The following FBN3 variants were observed in gnomAD, a reference collection of about 807,000 sequenced individuals.
The protein encoded by FBN3 is fibrillin 3, also known as fibrillin-3.
A neutral mutation model predicts 330.1 loss-of-function variants in FBN3; 234 were observed. That is an observed-to-expected ratio of 0.71 (90% CI 0.64 to 0.79). The LOEUF (loss-of-function observed/expected upper bound fraction) is 0.79, where lower values mean the gene tolerates loss of function less well. Ranked by LOEUF, FBN3 falls within the 30% of genes least tolerant of loss-of-function variation. The pLI is 0.00. For synonymous variants in FBN3, 1,458 were observed against 1,517.3 expected (o/e 0.96, Z 0.91); for missense variants, 3,606 against 3,886.9 (o/e 0.93, Z 1.92).
chr19:8,117,536 T>C lies in FBN3; in HGVS notation c.3391A>G (p.Asn1131Asp). ...DGLCPHGQCV[N>D]VIGAFQCSCH... is the part of the protein sequence containing the mutation. ...GAGCACTGGAAGGCACCGATGACAT[T>C]GACACACTGGCCATGGGGACACAGG... The change falls in exon 27 of 64, where the codon AAT becomes GAT. Residue 1131 changes from asparagine (N) to aspartate (D), a missense_variant. Coordinates refer to ENST00000600128, the MANE Select transcript of FBN3 (RefSeq NM_032447.5). The C allele has an allele frequency of 6.4e-7, 1 of 1,558,078 alleles. No homozygotes were observed. Among genetic ancestry groups the C allele is most frequent in the Admixed American group, 1.9e-5 (1 of 52,006 alleles).
intron 18 of FBN3, among the ~76,000 whole-genome samples, chr19:8,128,287 G>A (rs1438937188): frequency 6.6e-6 from 1 of 152,218 alleles, no homozygotes; most frequent in Non-Finnish European, 1.5e-5. Flanking sequence ...GTATGGGCCA[G>A]GTGTAGTGGC....
chr19:8,103,519 T>A (rs764671609), intron 39 of FBN3, 43 bp downstream of exon 39: 1 of 1,599,622 alleles, frequency 6.3e-7, no homozygotes, highest in South Asian at 1.1e-5. Flanking sequence ...GCCCAGGTGC[T>A]GCTTCTGTGA....
At chr19:8,089,344 A>G (rs2082040536) in intron 51 of FBN3, among the ~76,000 whole-genome samples, 1 of 152,258 alleles carries the variant, frequency 6.6e-6, no homozygotes, top group South Asian at 2.1e-4. Context: ...TGAGTGAGTG[A>G]ATGAATGAGC....
chr19:8,121,478 G>A lies in FBN3; in HGVS notation c.3083-92C>T. ...GGTCCCTGTCCTTTGATGGAGGTGT[G>A]GGCTAGAGGAAGCCCATCTGCAGAC... On this transcript the variant is annotated intron_variant, in intron 24 of 63. Coordinates refer to ENST00000600128, the MANE Select transcript of FBN3 (RefSeq NM_032447.5). The surrounding 1 kb of genome is among the most constrained non-coding windows in gnomAD (Gnocchi z 4.5). The A allele has an allele frequency of 4.5e-6, 6 of 1,321,890 alleles. No individual in the cohort carries two copies. The highest frequency in any genetic ancestry group is 6.1e-6 in the Non-Finnish European group (6 of 986,830). The allele number at this position is 1,321,890 out of a possible 1,614,324, so 81.9% of individuals were successfully genotyped here. A position where few individuals can be genotyped will look rare whatever the true frequency, so the allele number is the denominator to read the frequency against.
intron 32 of FBN3, 79 bp from the exon 33 acceptor site, chr19:8,111,262 T>A (rs2082575777): frequency 1.3e-6 from 2 of 1,486,684 alleles, no homozygotes; most frequent in Non-Finnish European, 1.8e-6. Flanking sequence ...CCCCAGTCAC[T>A]GGAACACTTC....
intron 53 of FBN3, 96 bp from the exon 54 acceptor site, chr19:8,087,307 G>A (rs2081986703): frequency 7.4e-7 from 1 of 1,346,520 alleles, no homozygotes; most frequent in Non-Finnish European, 9.9e-7. Flanking sequence ...TGGGACCTGA[G>A]TGAGTTCCCT....
chr19:8,072,861 C>T (rs1159632024), intron 62 of FBN3, among the ~76,000 whole-genome samples: 2 of 152,036 alleles, frequency 1.3e-5, no homozygotes, highest in Admixed American at 6.6e-5. Context: ...GATACAGGTG[C>T]CACTGTACCT....
chr19:8,100,589 C>T (rs1568394263), intron 41 of FBN3, among the ~76,000 whole-genome samples: 2 of 152,164 alleles, frequency 1.3e-5, no homozygotes, highest in African/African-American at 4.8e-5. Flanking sequence ...CCACCCACCT[C>T]GGCCTCCCAA....
intron 37 of FBN3, 88 bp downstream of exon 37, chr19:8,108,081 TA>T (rs1364173211): frequency 8.7e-7 from 1 of 1,144,684 alleles, no homozygotes; most frequent in Non-Finnish European, 1.3e-6. Flanking sequence ...AGGACAAAAC[TA>T]CTCAACTCTA....
rs767411069 is a variant in FBN3, at chr19:8,095,968, A to T, written c.5652T>A (p.Cys1884Ter). ...PGFVVTHNGD[C>*]VDFDECTTLV... ...CTGCCACCTGAGCCGACTCACCCAC[A>T]CAATCCCCATTGTGTGTCACCACAA... The change falls in exon 45 of 64, where the codon TGT becomes TGA. Residue 1884 changes from cysteine to a stop codon, truncating the protein, a stop_gained. Coordinates refer to ENST00000600128, the MANE Select transcript of FBN3 (RefSeq NM_032447.5). LOFTEE classifies it high-confidence loss of function. The T allele has an allele frequency of 1.2e-6, 2 of 1,609,588 alleles. No homozygotes were observed. The highest frequency in any genetic ancestry group is 2.2e-5 in the East Asian group (1 of 44,822).
At position 8,081,379 on chromosome 19, in the gene FBN3, C is replaced by T; in HGVS notation, c.7315G>A (p.Glu2439Lys). 6.2e-7 allele frequency: 1 copy of T among 1,609,030 alleles called. No homozygotes were observed. Among genetic ancestry groups the T allele is most frequent in the Non-Finnish European group, 8.5e-7 (1 of 1,177,528 alleles). ...TCACCTTTGCAGGTCCTGCCATCCT[C>T]CTCCAGCAGGTAGCCTCGGGGACAG... The part of the protein sequence containing the change: ...CSCPRGYLLE[E>K]DGRTCKDLDE... The change falls in exon 58 of 64, where the codon GAG becomes AAG. Residue 2439 changes from glutamate to lysine, a missense_variant. Coordinates refer to ENST00000600128, the MANE Select transcript of FBN3 (RefSeq NM_032447.5).
At chr19:8,124,154 AG>A in intron 22 of FBN3, 146 bp from the exon 23 acceptor site, 2 of 681,614 alleles carry the variant, frequency 2.9e-6, no homozygotes, top group Non-Finnish European at 5.3e-6. Flanking sequence ...GACTTCCTCC[AG>A]GCACTGTCTG....
rs1385549287 is a variant in FBN3 at position 8,126,363 on chromosome 19, CAA to C, written c.2555-18_2555-17del. On this transcript the variant is annotated splice_polypyrimidine_tract_variant and intron_variant, in intron 20 of 63. Coordinates refer to ENST00000600128, the MANE Select transcript of FBN3 (RefSeq NM_032447.5). ...CAGGCAGGGTCTGCAACTGGGAGAA[CAA>C]GAGTGAAGAGAGGAGTCATTTTCTC... 1 of 1,586,658 alleles carries C rather than the reference CAA, an allele frequency of 6.3e-7. No homozygotes were observed. The highest frequency in any genetic ancestry group is 8.6e-7 in the Non-Finnish European group (1 of 1,167,852).
At chr19:8,111,846 C>A in intron 31 of FBN3, 76 bp from the exon 32 acceptor site, 1 of 1,558,742 alleles carries the variant, frequency 6.4e-7, no homozygotes, top group Non-Finnish European at 8.8e-7. Context: ...AAAGACCCAT[C>A]AACCCTCCAA....
At chr19:8,123,002 G>T (rs1470169719) in intron 24 of FBN3, among the ~76,000 whole-genome samples, 3 of 151,912 alleles carry the variant, frequency 2.0e-5, no homozygotes, top group Non-Finnish European at 2.9e-5. Flanking sequence ...GCAGCCCAAG[G>T]AGGGCAATCA....
At chr19:8,077,304 CAG>C (rs1452573101) in intron 59 of FBN3, among the ~76,000 whole-genome samples, 2 of 152,162 alleles carry the variant, frequency 1.3e-5, no homozygotes, top group African/African-American at 4.8e-5. Flanking sequence ...TCCTTGAGTA[CAG>C]AGATTCTTGA....
In FBN3 at chr19:8,073,060, C is replaced by G. The variant is rs762517296; in HGVS notation, c.7937+3G>C. ...GTCTGCTTGCCCCACTCCAGCCTCT[C>G]ACCCTTGCCCAGCCCGGAAGTAGCC... On this transcript the variant is annotated splice_donor_region_variant and intron_variant, in intron 62 of 63. Transcript: ENST00000600128. 1.2e-6 allele frequency: 2 copies of G among 1,601,022 alleles called. No individual in the cohort carries two copies. Among genetic ancestry groups the G allele is most frequent in the Non-Finnish European group, 1.7e-6 (2 of 1,172,062 alleles).
rs570118981 is a variant in FBN3, at chr19:8,118,287, C to T, written c.3337+610G>A. Among the ~76,000 whole-genome samples, 315 of 152,072 alleles carry T rather than the reference C, an allele frequency of 2.1e-3. 3 individuals carry two copies. The highest frequency in any genetic ancestry group is 0.017 in the South Asian group (81 of 4,820). On this transcript the variant is annotated intron_variant, in intron 26 of 63. Coordinates refer to ENST00000600128, the MANE Select transcript of FBN3 (RefSeq NM_032447.5). ...TCTTACACACACACACACAGACTTA[C>T]GTACAAACACACCCACTCAGAAATT...
At position 8,094,484 on chromosome 19, in the gene FBN3, C is replaced by T. The variant is rs755795597; in HGVS notation, c.5867G>A (p.Cys1956Tyr). 54 of 1,613,796 alleles carry T rather than the reference C, an allele frequency of 3.3e-5. No individual in the cohort carries two copies. The Admixed American group carries it at 8.8e-4, about 26-fold the overall frequency. ...ACTCTGCACCTGGAAGCCAGGGGGA[C>T]AGATGCAGCGGAAGGAGCCCTCGAG... The part of the protein sequence containing the change: ...QNLEGSFRCI[C>Y]PPGFQVQSDH... Residue 1956 changes from cysteine (C) to tyrosine (Y), a missense_variant, in exon 47 of 64, where the codon TGT becomes TAT. Cys to Tyr is a radical substitution (Grantham distance 194). Coordinates refer to ENST00000600128, the MANE Select transcript of FBN3 (RefSeq NM_032447.5).
Sources: allele counts gnomAD v4.1 joint callset (sites outside exome capture counted in the v4.1 genomes callset), GRCh38; gene constraint gnomAD v4.1.1; non-coding constraint Gnocchi (gnomAD v3.1); transcripts MANE v1.5; gene names NCBI Gene and HGNC (gene_info 2026-07-23, HGNC 2026-07-21).